The following ZNF337 variants were observed in gnomAD, a reference collection of about 807,000 sequenced individuals.
ZNF337 encodes zinc finger protein 337.
Under a neutral mutation model 12.1 loss-of-function variants are expected in ZNF337, and 8 were observed. That is an observed-to-expected ratio of 0.66 (90% confidence interval 0.39 to 1.19). The LOEUF (loss-of-function observed/expected upper bound fraction) is 1.19. Ranked by LOEUF, ZNF337 falls within the 50% of genes most tolerant of loss-of-function variation. The pLI is 0.01. For synonymous variants in ZNF337, 336 were observed against 320.0 expected (o/e 1.05, Z -0.53); for missense variants, 882 against 896.6 (o/e 0.98, Z 0.21).
Position 25,675,894 on chromosome 20 carries a change from C to T in ZNF337, c.1394G>A (p.Cys465Tyr), listed in dbSNP as rs1326701487. ...SEEKPFVCKD[C>Y]GRGFIQKSTF... The stretch of plus-strand genomic sequence containing the variant: ...TGACTTTTGGATAAAGCCTCGTCCA[C>T]AGTCCTTGCACACAAAAGGCTTCTC... Residue 465 changes from cysteine (C) to tyrosine (Y), a missense_variant, in exon 5 of 5, where the codon TGT (cysteine) becomes TAT (tyrosine). Cys to Tyr is a radical substitution (Grantham distance 194, BLOSUM62 -2). Transcript: ENST00000252979. 6.2e-7 allele frequency: 1 copy of T among 1,614,198 alleles called. No individual in the cohort carries two copies. The highest frequency in any genetic ancestry group is 2.2e-5 in the East Asian group (1 of 44,882).
Position 25,685,630 on chromosome 20 carries a change from G to T in ZNF337, c.187C>A (p.Arg63=). ...CAGGGCACTTCCCCTTGCTCTAGCC[G>T]CCTGATGAGTTCTGGTTTAGAATGG... The part of the protein sequence containing the change: ...ILHSKPELIR[R]LEQGEVPWGE... Residue 63 remains arginine, a synonymous_variant, in exon 4 of 5, where the codon CGG becomes AGG. Coordinates refer to ENST00000252979, the MANE Select transcript of ZNF337 (RefSeq NM_015655.4). The T allele has an allele frequency of 1.9e-6, 3 of 1,614,152 alleles. No homozygotes were observed. Among genetic ancestry groups the T allele is most frequent in the Admixed American group, 1.7e-5 (1 of 60,018 alleles).
In ZNF337 at chr20:25,696,087, T is replaced by TCCCCCCCCCC. The variant is rs149644721; in HGVS notation, c.-50+662_-50+671dup. 4.6e-4 allele frequency among the ~76,000 whole-genome samples: 24 copies of TCCCCCCCCCC among 52,106 alleles called. 4 individuals are homozygous for TCCCCCCCCCC. Among genetic ancestry groups the TCCCCCCCCCC allele is most frequent in the Non-Finnish European group, 6.6e-4 (17 of 25,618 alleles). 34.2% of individuals were successfully genotyped at this position (52,106 alleles called of 152,430 possible). A position where few individuals can be genotyped will look rare whatever the true frequency, so the allele number is the denominator to read the frequency against. ...TCCCGCGGACGCTGCCCCACGCAGA[T>TCCCCCCCCCC]CCCCCCCCCCCCCCACCAAAACACG... On this transcript the variant is annotated intron_variant, in intron 1 of 4. Transcript: ENST00000252979.
At chr20:25,683,468 G>C (rs1490950551) in intron 4 of ZNF337, among the ~76,000 whole-genome samples, 1 of 151,328 alleles carries the variant, frequency 6.6e-6, no homozygotes, top group Non-Finnish European at 1.5e-5. Context: ...GAGAATAACG[G>C]ACAGAGGTTT....
In ZNF337 at chr20:25,677,077, A is replaced by G. The variant is rs374772706; in HGVS notation, c.251-40T>C. Reference sequence around the variant, plus strand: ...AACAATGAGACTGAATCAGTAACGAAAAGTCTTCTATGAAAGAAAAACCCA... The same window carrying G: ...AACAATGAGACTGAATCAGTAACGAGAAGTCTTCTATGAAAGAAAAACCCA... On this transcript the variant is annotated intron_variant, in intron 4 of 4. Transcript: ENST00000252979. 2.8e-5 allele frequency: 42 copies of G among 1,478,018 alleles called. No homozygotes were observed. The African/African-American group carries it at 5.5e-4, about 19-fold the overall frequency. The allele number at this position is 1,478,018 out of a possible 1,614,324, so 91.6% of individuals were successfully genotyped here.
chr20:25,695,143 C>A (rs991939793), intron 1 of ZNF337, among the ~76,000 whole-genome samples: 4 of 152,082 alleles, frequency 2.6e-5, no homozygotes. Context: ...TGGTGGCGGG[C>A]GCCTGTAGTC....
chr20:25,684,720 C>A (rs2065807219), intron 4 of ZNF337, among the ~76,000 whole-genome samples: 1 of 152,140 alleles, frequency 6.6e-6, no homozygotes, highest in African/African-American at 2.4e-5. Context: ...GTCTTGGAAC[C>A]AACCCAAATG....
chr20:25,696,218 A>G (rs2065926979), intron 1 of ZNF337, among the ~76,000 whole-genome samples: 1 of 151,014 alleles, frequency 6.6e-6, no homozygotes. Flanking sequence ...GCCCTTCCCC[A>G]AAACACGCGG....
At position 25,686,732 on chromosome 20, in the gene ZNF337, T is replaced by A. The variant is rs545156545; in HGVS notation, c.-49-266A>T. 6.3e-5 allele frequency: 27 copies of A among 427,216 alleles called. No homozygotes were observed. In the South Asian group the frequency reaches 8.3e-4, roughly 13 times the overall value. 26.5% of individuals were successfully genotyped at this position (427,216 alleles called of 1,614,324 possible). A position where few individuals can be genotyped will look rare whatever the true frequency, so the allele number is the denominator to read the frequency against. Reference sequence around the variant, plus strand: ...TAAAAGGATGAGGAACACCTGCAGATGAGGTCTTGCATTTAAGGTTAGGGC... The same window carrying A: ...TAAAAGGATGAGGAACACCTGCAGAAGAGGTCTTGCATTTAAGGTTAGGGC... On this transcript the variant is annotated intron_variant, in intron 1 of 4. Transcript: ENST00000252979.
chr20:25,688,103 AG>A (rs2065851313), intron 1 of ZNF337, among the ~76,000 whole-genome samples: 1 of 152,264 alleles, frequency 6.6e-6, no homozygotes. Flanking sequence ...TTACATAAAT[AG>A]TTTACCTTTC....
intron 3 of ZNF337, 147 bp downstream of exon 3, chr20:25,685,849 C>G: frequency 7.6e-7 from 1 of 1,310,804 alleles, no homozygotes; most frequent in Non-Finnish European, 1.1e-6. Context: ...CTGCAGGTGC[C>G]CAGTGGCAGT....
At chr20:25,678,383 GAA>G (rs942915587) in intron 4 of ZNF337, among the ~76,000 whole-genome samples, 42 of 152,114 alleles carry the variant, frequency 2.8e-4, no homozygotes, top group African/African-American at 9.9e-4. Flanking sequence ...ACAAACAAAT[GAA>G]AAGACATCTT....
intron 4 of ZNF337, among the ~76,000 whole-genome samples, chr20:25,679,620 C>T (rs1376598298): frequency 6.6e-6 from 1 of 151,818 alleles, no homozygotes; most frequent in Non-Finnish European, 1.5e-5. Context: ...ATCCTCTTAC[C>T]ACAATTAGGA....
chr20:25,682,226 C>T (rs1465927321), intron 4 of ZNF337, among the ~76,000 whole-genome samples: 1 of 151,956 alleles, frequency 6.6e-6, no homozygotes, highest in East Asian at 1.9e-4. Context: ...AATACAGTAA[C>T]TATTATTAGG....
intron 4 of ZNF337, chr20:25,678,061 A>T (rs2065726660): frequency 6.6e-6 from 1 of 152,182 alleles, no homozygotes; most frequent in Admixed American, 6.5e-5. Flanking sequence ...AGAGAAAAAA[A>T]TAAGGCAAGA....
rs1343625930 is a variant in ZNF337, at chr20:25,673,648, T to C, written c.*1384A>G. ...CATTCCAACATCTGTAGAGCTCTGC[T>C]ACAGGCCTTCAGCCCACATATTTGG... is the stretch of plus-strand genomic sequence containing the variant. On this transcript the variant is annotated 3_prime_UTR_variant, in exon 5 of 5. Coordinates refer to ENST00000252979, the MANE Select transcript of ZNF337 (RefSeq NM_015655.4). Among the ~76,000 whole-genome samples, 1 of 152,242 alleles carries C rather than the reference T, an allele frequency of 6.6e-6. No individual in the cohort carries two copies. The highest frequency in any genetic ancestry group is 1.5e-5 in the Non-Finnish European group (1 of 68,038).
intron 4 of ZNF337, among the ~76,000 whole-genome samples, chr20:25,681,649 G>T (rs1315093984): frequency 6.6e-6 from 1 of 152,142 alleles, no homozygotes; most frequent in Non-Finnish European, 1.5e-5. Flanking sequence ...GTGGGGGCAG[G>T]AAATGACTGG....
intron 1 of ZNF337, among the ~76,000 whole-genome samples, chr20:25,694,732 C>A (rs1675616806): frequency 6.6e-6 from 1 of 152,136 alleles, no homozygotes; most frequent in African/African-American, 2.4e-5. Context: ...TTTTATTACT[C>A]TTATATAATG....
At chr20:25,681,623 A>G (rs369636336) in intron 4 of ZNF337, among the ~76,000 whole-genome samples, 110 of 152,294 alleles carry the variant, frequency 7.2e-4, no homozygotes, top group African/African-American at 2.3e-3. Context: ...CCGAATAGTG[A>G]TTTTCTCTGG....
intron 1 of ZNF337, among the ~76,000 whole-genome samples, chr20:25,696,047 C>T (rs2122488548): frequency 6.6e-6 from 1 of 151,708 alleles, no homozygotes; most frequent in African/African-American, 2.4e-5. Context: ...CCTGGGTCCC[C>T]ACAGCCACCT....
Sources: gnomAD v4.1 joint callset for allele counts (sites outside exome capture counted in the v4.1 genomes callset) on GRCh38, gnomAD v4.1.1 for gene constraint, MANE v1.5 for transcripts, NCBI Gene and HGNC (gene_info 2026-07-23, HGNC 2026-07-21) for gene names.